MLIP: variants seen among roughly 807,000 people sequenced by gnomAD.
The protein encoded by MLIP is muscular LMNA-interacting protein.
A neutral mutation model predicts 84.8 loss-of-function variants in MLIP; 79 were observed. That is an observed-to-expected ratio of 0.93 (90% CI 0.78 to 1.12). The LOEUF (loss-of-function observed/expected upper bound fraction) is 1.12. Ranked by LOEUF, MLIP falls within the 50% of genes most tolerant of loss-of-function variation. MLIP has a pLI of 0.00. For missense variants in MLIP, 1,257 were observed against 1,160.6 expected (o/e 1.08, Z -1.21); for synonymous variants, 504 against 463.0 (o/e 1.09, Z -1.14).
At chr6:54,189,847 A>C (rs1223565312) in intron 9 of MLIP, 23 bp from the exon 10 acceptor site, 1 of 1,558,074 alleles carries the variant, frequency 6.4e-7, no homozygotes, top group African/African-American at 1.3e-5. Context: ...TTCACTAATA[A>C]ATGCCATGTT....
chr6:54,058,142 G>A (rs1037029549), intron 1 of MLIP: 6 of 7,140 alleles, frequency 8.4e-4, no homozygotes, highest in Admixed American at 5.8e-3. Context: ...ATATTTTAGG[G>A]GGAATAGAAA....
intron 11 of MLIP, chr6:54,216,725 T>C (rs1779879283): frequency 1.0e-6 from 1 of 985,332 alleles, no homozygotes; most frequent in Non-Finnish European, 1.2e-6. Context: ...TTTAAATATG[T>C]CTGTTTGAAA....
chr6:54,072,251 A>G (rs1278592972), intron 1 of MLIP, among the ~76,000 whole-genome samples: 1 of 152,102 alleles, frequency 6.6e-6, no homozygotes, highest in African/African-American at 2.4e-5. Flanking sequence ...TGACCAATCA[A>G]TGACCCCAAT....
At chr6:54,062,382 T>C (rs1766017004) in intron 1 of MLIP, among the ~76,000 whole-genome samples, 1 of 152,250 alleles carries the variant, frequency 6.6e-6, no homozygotes, top group Non-Finnish European at 1.5e-5. Flanking sequence ...ATCTACTCTG[T>C]TTAACTAATG....
At chr6:54,036,144 GATA>G (rs1359595311) in intron 1 of MLIP, among the ~76,000 whole-genome samples, 4 of 151,574 alleles carry the variant, frequency 2.6e-5, no homozygotes, top group Non-Finnish European at 5.9e-5. Flanking sequence ...ATGAAATGAA[GATA>G]ATAATACTAC....
intron 9 of MLIP, among the ~76,000 whole-genome samples, chr6:54,177,155 CA>C (rs912264986): frequency 2.6e-5 from 4 of 152,048 alleles, no homozygotes; most frequent in East Asian, 1.9e-4. Context: ...GATTTCATGA[CA>C]AAAACATCAG....
At chr6:54,072,736 TGTCTGA>T (rs1766561426) in intron 1 of MLIP, among the ~76,000 whole-genome samples, 1 of 152,194 alleles carries the variant, frequency 6.6e-6, no homozygotes, top group South Asian at 2.1e-4. Flanking sequence ...CATCAAGTGT[TGTCTGA>T]GTCTGTCATC....
chr6:54,147,668 C>T (rs1773000114), intron 4 of MLIP, among the ~76,000 whole-genome samples: 1 of 152,014 alleles, frequency 6.6e-6, no homozygotes, highest in East Asian at 1.9e-4. Context: ...AGCTCTTGTG[C>T]ACGTTTTGCT....
intron 12 of MLIP, among the ~76,000 whole-genome samples, chr6:54,234,533 G>A (rs1385281082): frequency 6.6e-6 from 1 of 152,018 alleles, no homozygotes; most frequent in Non-Finnish European, 1.5e-5. Flanking sequence ...CCTTTTCCTT[G>A]ATGATGCTGC....
At chr6:54,122,888 TAGAC>T (rs1770574919) in intron 2 of MLIP, among the ~76,000 whole-genome samples, 1 of 152,146 alleles carries the variant, frequency 6.6e-6, no homozygotes, top group Non-Finnish European at 1.5e-5. Flanking sequence ...CCCTATCTCT[TAGAC>T]AGTTCAACAT....
intron 1 of MLIP, among the ~76,000 whole-genome samples, chr6:54,115,263 A>G (rs367913545): frequency 5.3e-5 from 8 of 152,276 alleles, no homozygotes; most frequent in African/African-American, 1.9e-4. Flanking sequence ...GAGGGCTGTA[A>G]TGTACTCAAA....
intron 9 of MLIP, among the ~76,000 whole-genome samples, chr6:54,182,813 T>G (rs1777019808): frequency 6.6e-6 from 1 of 152,180 alleles, no homozygotes; most frequent in Non-Finnish European, 1.5e-5. Flanking sequence ...TAGGGTAGTA[T>G]TTGGTCCTAT....
chr6:54,221,252 C>T (rs1309341076), intron 11 of MLIP, among the ~76,000 whole-genome samples: 1 of 151,926 alleles, frequency 6.6e-6, no homozygotes, highest in Non-Finnish European at 1.5e-5. Context: ...AAAGATAATC[C>T]CAGGTAGTGG....
At chr6:54,217,903 C>A in intron 11 of MLIP, 5 of 985,068 alleles carry the variant, frequency 5.1e-6, no homozygotes, top group Non-Finnish European at 6.0e-6. Context: ...GAATAGTGAT[C>A]TCTAAAGTAT....
chr6:54,043,666 G>A (rs899202223), intron 1 of MLIP, among the ~76,000 whole-genome samples: 3 of 152,188 alleles, frequency 2.0e-5, no homozygotes, highest in Non-Finnish European at 2.9e-5. Context: ...ATAGGATGGG[G>A]CTTCTCTTAT....
rs1355559467 is a variant in MLIP, at chr6:54,138,060, A to T, written c.1991A>T (p.His664Leu). 1 of 1,535,962 alleles carries T rather than the reference A, an allele frequency of 6.5e-7. No individual in the cohort carries two copies. The highest frequency in any genetic ancestry group is 1.4e-5 in the African/African-American group (1 of 73,092). ...LPNLRSSSLPHANLPTLVPQL... is the reference protein window; with the variant it reads ...LPNLRSSSLPLANLPTLVPQL... ...AACTTGAGGTCCTCCTCTCTCCCTCATGCCAATCTGCCCACCCTGGTGCCC... is the reference window on the plus strand; with the variant it reads ...AACTTGAGGTCCTCCTCTCTCCCTCTTGCCAATCTGCCCACCCTGGTGCCC... Residue 664 changes from histidine (H) to leucine (L), a missense_variant, in exon 4 of 14, where the codon CAT (histidine) becomes CTT (leucine). Transcript: ENST00000502396.
At chr6:54,257,073 T>A (rs1783055794) in intron 12 of MLIP, among the ~76,000 whole-genome samples, 1 of 152,132 alleles carries the variant, frequency 6.6e-6, no homozygotes, top group Non-Finnish European at 1.5e-5. Context: ...AGAGTTGATG[T>A]GTGACATAAA....
rs116577991 is a variant in MLIP, at chr6:54,116,160, C to A, written c.96+4585C>A. 6.5e-3 allele frequency among the ~76,000 whole-genome samples: 992 copies of A among 152,050 alleles called. 2 individuals carry two copies. Among genetic ancestry groups the A allele is most frequent in the Non-Finnish European group, 0.011 (780 of 67,986 alleles). Reference sequence around the variant, plus strand: ...TGCTCATAAGGTCATAAGGTCTGAGCAGTTCAAGGCATAAAAGGGTGGCAG... The same window carrying A: ...TGCTCATAAGGTCATAAGGTCTGAGAAGTTCAAGGCATAAAAGGGTGGCAG... On this transcript the variant is annotated intron_variant, in intron 1 of 13. Coordinates refer to ENST00000502396, the MANE Select transcript of MLIP (RefSeq NM_001281747.2).
intron 1 of MLIP, among the ~76,000 whole-genome samples, chr6:54,078,079 G>A (rs902558525): frequency 3.3e-5 from 5 of 152,166 alleles, no homozygotes; most frequent in African/African-American, 7.2e-5. Flanking sequence ...TGGTGGAAAT[G>A]TTTCAACTGG....
Sources: gnomAD v4.1 joint callset for allele counts (sites outside exome capture counted in the v4.1 genomes callset) on GRCh38, gnomAD v4.1.1 for gene constraint, MANE v1.5 for transcripts, NCBI Gene and HGNC (gene_info 2026-07-23, HGNC 2026-07-21) for gene names.